Variants in SLIT3 observed in about 807,000 individuals in gnomAD.
The protein encoded by SLIT3 is slit guidance ligand 3.
A neutral mutation model predicts 184.0 loss-of-function variants in SLIT3; 68 were observed. The observed-to-expected ratio is 0.37, with a 90% CI of 0.30 to 0.45. The LOEUF is 0.45. Among genes scored for constraint, SLIT3 ranks in the 20% least tolerant of loss-of-function variants. The pLI, the probability that SLIT3 is intolerant of heterozygous loss-of-function variation, is 1.00. For missense variants in SLIT3, 1,707 were observed against 2,026.0 expected, an observed-to-expected ratio of 0.84 and a Z score of 3.02; for synonymous variants, 831 against 828.6, an observed-to-expected ratio of 1.00 and a Z score of -0.05.
At chr5:168,716,900 G>T (rs1762755958) in intron 23 of SLIT3, among the ~76,000 whole-genome samples, 1 of 149,008 alleles carries the variant, frequency 6.7e-6, no homozygotes, top group South Asian at 2.1e-4. Context: ...CCCAGCCTTG[G>T]TTCTGCCTGT....
intron 4 of SLIT3, among the ~76,000 whole-genome samples, chr5:169,018,117 G>A (rs1168460760): frequency 6.6e-6 from 1 of 152,224 alleles, no homozygotes; most frequent in Non-Finnish European, 1.5e-5. Flanking sequence ...AGAATCACCT[G>A]AAGAGTTTAT....
At chr5:169,090,505 G>A in intron 4 of SLIT3, among the ~76,000 whole-genome samples, 1 of 152,202 alleles carries the variant, frequency 6.6e-6, no homozygotes. Flanking sequence ...TGTCCTCCAG[G>A]AAGCCTTTCC....
intron 21 of SLIT3, 24 bp downstream of exon 21, chr5:168,724,392 C>G: frequency 6.3e-7 from 1 of 1,599,940 alleles, no homozygotes; most frequent in Non-Finnish European, 8.6e-7. Flanking sequence ...AAATAAACAT[C>G]CCACCCAATA....
At chr5:169,206,157 G>A (rs1305906810) in intron 3 of SLIT3, among the ~76,000 whole-genome samples, 1 of 152,202 alleles carries the variant, frequency 6.6e-6, no homozygotes, top group Non-Finnish European at 1.5e-5. Context: ...GAGGGACTGA[G>A]AATGCGTTAG....
chr5:169,241,450 G>A (rs570206751), intron 3 of SLIT3, among the ~76,000 whole-genome samples: 92 of 152,178 alleles, frequency 6.0e-4, no homozygotes, highest in Non-Finnish European at 1.0e-3. Context: ...TTGTAGGGCC[G>A]TCCTGTGCAT....
At chr5:168,859,716 T>G (rs1463706625) in intron 5 of SLIT3, among the ~76,000 whole-genome samples, 5 of 152,248 alleles carry the variant, frequency 3.3e-5, no homozygotes, top group Non-Finnish European at 7.3e-5. Flanking sequence ...ACTTGAGATC[T>G]GACGGCATTT....
chr5:168,663,800 CCTAGGA>C lies in SLIT3; in HGVS notation c.*2648_*2653del. 6.6e-6 allele frequency: 1 copy of C among 152,200 alleles called. No homozygotes were observed. The highest frequency in any genetic ancestry group is 1.9e-4 in the East Asian group (1 of 5,194). The allele number at this position is 152,200 out of a possible 1,614,324, so 9.4% of individuals were successfully genotyped here. ...GCAAACTCCTATTCATCCTTAAAGA[CCTAGGA>C]CTAGAAGTTCCCTCCTCTGGACAGC... On this transcript the variant is annotated 3_prime_UTR_variant, in exon 36 of 36. Transcript: ENST00000519560.
At chr5:169,032,599 GTTT>G (rs5873142) in intron 4 of SLIT3, among the ~76,000 whole-genome samples, 13 of 110,448 alleles carry the variant, frequency 1.2e-4, no homozygotes, top group Admixed American at 1.0e-3. Flanking sequence ...TTTTAGTTTC[GTTT>G]TTTTTTTTTT....
intron 26 of SLIT3, chr5:168,707,296 GCA>G (rs2113304360): frequency 6.6e-6 from 1 of 152,612 alleles, no homozygotes; most frequent in African/African-American, 2.4e-5. Flanking sequence ...ACAGTACTTG[GCA>G]CAGTCTGTAC....
chr5:169,159,770 C>T (rs559081619), intron 4 of SLIT3, among the ~76,000 whole-genome samples: 35 of 152,196 alleles, frequency 2.3e-4, no homozygotes, highest in South Asian at 2.1e-4. Flanking sequence ...AGCAAGACTC[C>T]GTCTCTTAAA....
At chr5:168,982,048 C>G (rs1754967605) in intron 4 of SLIT3, among the ~76,000 whole-genome samples, 2 of 152,330 alleles carry the variant, frequency 1.3e-5, no homozygotes, top group Middle Eastern at 3.4e-3. Flanking sequence ...CCACACTTTC[C>G]ATGACCCACA....
At chr5:169,149,768 T>A (rs1392847137) in intron 4 of SLIT3, among the ~76,000 whole-genome samples, 1 of 152,172 alleles carries the variant, frequency 6.6e-6, no homozygotes, top group Admixed American at 6.5e-5. Flanking sequence ...CTCTCCCGAG[T>A]CAGGTGAGAT....
intron 4 of SLIT3, among the ~76,000 whole-genome samples, chr5:169,062,670 G>A (rs1028440031): frequency 1.3e-5 from 2 of 152,222 alleles, no homozygotes; most frequent in African/African-American, 4.8e-5. Flanking sequence ...TTACTCATGT[G>A]TTTGGTTTGT....
At chr5:169,189,778 T>G (rs532788581) in intron 4 of SLIT3, among the ~76,000 whole-genome samples, 2 of 152,108 alleles carry the variant, frequency 1.3e-5, no homozygotes, top group Admixed American at 6.5e-5. Flanking sequence ...TTTCTGCACT[T>G]GTTTCACATC....
chr5:168,962,317 CACACACACACACACACACAT>C (rs1318470723), intron 4 of SLIT3, among the ~76,000 whole-genome samples: 1 of 151,144 alleles, frequency 6.6e-6, no homozygotes, highest in Non-Finnish European at 1.5e-5. Context: ...CCACAACACA[CACACACACACACACACACAT>C]ACACACACAC....
intron 3 of SLIT3, among the ~76,000 whole-genome samples, chr5:169,240,986 A>AT (rs1299000815): frequency 2.6e-5 from 4 of 152,004 alleles, no homozygotes; most frequent in Non-Finnish European, 5.9e-5. Context: ...ATCTTAGAAC[A>AT]TTTTAATTCC....
chr5:168,673,558 T>G (rs988290650), intron 32 of SLIT3, among the ~76,000 whole-genome samples: 1 of 152,262 alleles, frequency 6.6e-6, no homozygotes, highest in Non-Finnish European at 1.5e-5. Context: ...GTGCATTTTA[T>G]GTATACACAC....
At chr5:169,054,216 T>TA (rs35649544) in intron 4 of SLIT3, among the ~76,000 whole-genome samples, 4,091 of 69,678 alleles carry the variant, frequency 0.059, 227 homozygotes, top group African/African-American at 0.17. Context: ...AGAGAGACAC[T>TA]AAAAAAAAAA....
chr5:169,053,451 G>A (rs1321085786), intron 4 of SLIT3, among the ~76,000 whole-genome samples: 1 of 152,116 alleles, frequency 6.6e-6, no homozygotes, highest in Non-Finnish European at 1.5e-5. Flanking sequence ...CTCTAGGGGA[G>A]TTCTTTGGGC....
Sources: gnomAD v4.1 joint callset for allele counts (sites outside exome capture counted in the v4.1 genomes callset) on GRCh38, gnomAD v4.1.1 for gene constraint, MANE v1.5 for transcripts, NCBI Gene and HGNC (gene_info 2026-07-23, HGNC 2026-07-21) for gene names.